Variants in RAB2B observed in about 807,000 individuals in gnomAD.
The protein encoded by RAB2B is ras-related protein Rab-2B.
Under a neutral mutation model 29.8 loss-of-function variants are expected in RAB2B, and 20 were observed. The ratio of observed to expected loss-of-function variants is 0.67; its 90% CI spans 0.47 to 0.97. The LOEUF (loss-of-function observed/expected upper bound fraction) is 0.97, where lower values mean the gene tolerates loss of function less well. Among genes scored for constraint, RAB2B ranks in the 50% least tolerant of loss-of-function variants. RAB2B has a pLI of 0.00. For synonymous variants in RAB2B, 93 were observed against 91.7 expected, an observed-to-expected ratio of 1.01 and a Z score of -0.08; for missense variants, 218 against 272.0, an observed-to-expected ratio of 0.80 and a Z score of 1.40.
At position 21,460,129 on chromosome 14, in the gene RAB2B, G is replaced by T. The variant is rs1263615974; in HGVS notation, c.*1067C>A. The stretch of plus-strand genomic sequence containing the variant: ...TGCCTTCTACAAGAATTCTTAGGAA[G>T]TGGCAAGCAGACACCCAAAGGCAAG... On this transcript the variant is annotated 3_prime_UTR_variant, in exon 8 of 8. Coordinates refer to ENST00000397762, the MANE Select transcript of RAB2B (RefSeq NM_032846.4). 3 of 518,218 alleles carry T rather than the reference G, an allele frequency of 5.8e-6. No individual in the cohort carries two copies. In the African/African-American group the frequency reaches 5.8e-5, roughly 10 times the overall value. 32.1% of individuals were successfully genotyped at this position (518,218 alleles called of 1,614,324 possible). A position where few individuals can be genotyped will look rare whatever the true frequency, so the allele number is the denominator to read the frequency against.
Position 21,462,380 on chromosome 14 carries a change from G to A in RAB2B, c.513C>T (p.Ile171=), listed in dbSNP as rs549974683. ...INTAKEIYRK[I]QQGLFDVHNE... is the part of the protein sequence containing the mutation. ...TGTGGACATCAAATAAACCCTGCTGGATCTTCCTATATATTTCTTTGGCTG... is the reference window on the plus strand; with the variant it reads ...TGTGGACATCAAATAAACCCTGCTGAATCTTCCTATATATTTCTTTGGCTG... Residue 171 remains isoleucine (I), a synonymous_variant, in exon 7 of 8, where the codon ATC becomes ATT. Coordinates refer to ENST00000397762, the MANE Select transcript of RAB2B (RefSeq NM_032846.4). 1.5e-4 allele frequency: 234 copies of A among 1,613,414 alleles called. 1 individual carries two copies. The South Asian group carries it at 2.3e-3, about 16-fold the overall frequency.
intron 5 of RAB2B, 148 bp from the exon 6 acceptor site, chr14:21,463,915 C>T: frequency 3.4e-6 from 2 of 593,350 alleles, no homozygotes; most frequent in South Asian, 4.3e-5. Flanking sequence ...TACAGAGTTA[C>T]TGATTTTTGT....
rs1890992321 is a variant in RAB2B at position 21,476,913 on chromosome 14, T to TA, written c.-42dup. 6.2e-7 allele frequency: 1 copy of TA among 1,608,500 alleles called. No homozygotes were observed. The highest frequency in any genetic ancestry group is 1.3e-5 in the African/African-American group (1 of 74,782). ...GGGTTCCGGGTCCGCCCGACTTCTA[T>TA]AGCCACTTACCTCCGACCTCTCTAG... On this transcript the variant is annotated 5_prime_UTR_variant, in exon 1 of 8. Coordinates refer to ENST00000397762, the MANE Select transcript of RAB2B (RefSeq NM_032846.4).
chr14:21,471,516 G>A (rs564031772), intron 3 of RAB2B, among the ~76,000 whole-genome samples: 4 of 151,822 alleles, frequency 2.6e-5, no homozygotes, highest in African/African-American at 9.7e-5. Context: ...TACTTGAGGG[G>A]CTGAGGTGGG....
At chr14:21,464,489 T>C (rs1039362808) in intron 5 of RAB2B, among the ~76,000 whole-genome samples, 7 of 152,126 alleles carry the variant, frequency 4.6e-5, no homozygotes, top group African/African-American at 1.7e-4. Context: ...CATCTTCCTT[T>C]TTTACTGGAA....
intron 6 of RAB2B, among the ~76,000 whole-genome samples, chr14:21,463,256 T>TC (rs879381767): frequency 4.1e-4 from 62 of 151,180 alleles, no homozygotes; most frequent in Non-Finnish European, 7.4e-4. Context: ...TTCTTTTTTT[T>TC]TTTTTTTGGA....
Position 21,461,318 on chromosome 14 carries a change from A to G in RAB2B, c.544-15T>C. The G allele has an allele frequency of 6.3e-7, 1 of 1,586,872 alleles. No individual in the cohort carries two copies. Among genetic ancestry groups the G allele is most frequent in the South Asian group, 1.1e-5 (1 of 90,114 alleles). ...ATGCCATTTGCCTGTAAAAGAAAAG[A>G]GGCAATAGTTCCCACCTCAGTGTTA... On this transcript the variant is annotated splice_polypyrimidine_tract_variant and intron_variant, in intron 7 of 7. Coordinates refer to ENST00000397762, the MANE Select transcript of RAB2B (RefSeq NM_032846.4).
At chr14:21,474,656 G>C (rs1306976171) in intron 3 of RAB2B, 3 of 497,436 alleles carry the variant, frequency 6.0e-6, no homozygotes, top group African/African-American at 1.9e-5. Flanking sequence ...ATTTTTACTA[G>C]AATAAACTAT....
intron 5 of RAB2B, among the ~76,000 whole-genome samples, chr14:21,466,847 T>C (rs1284466481): frequency 2.0e-5 from 3 of 150,134 alleles, no homozygotes; most frequent in East Asian, 1.9e-4. Flanking sequence ...TGAGAAGCTA[T>C]GCAGTGCCCA....
intron 6 of RAB2B, among the ~76,000 whole-genome samples, chr14:21,463,153 A>G (rs903890532): frequency 5.3e-5 from 8 of 152,176 alleles, no homozygotes; most frequent in East Asian, 1.9e-4. Context: ...TACCCAAAGC[A>G]AAAGTAAAAC....
chr14:21,463,599 A>G (rs1203821325), intron 6 of RAB2B, 57 bp downstream of exon 6: 1 of 1,195,548 alleles, frequency 8.4e-7, no homozygotes, highest in Non-Finnish European at 1.2e-6. Flanking sequence ...TCTGAATACA[A>G]GGACAAATAA....
intron 3 of RAB2B, among the ~76,000 whole-genome samples, chr14:21,472,726 C>CT (rs1406800650): frequency 1.3e-5 from 2 of 150,786 alleles, no homozygotes; most frequent in Non-Finnish European, 2.9e-5. Flanking sequence ...TCTCAACTTT[C>CT]CTTTTTTGTT....
intron 3 of RAB2B, among the ~76,000 whole-genome samples, chr14:21,472,764 G>A (rs1284784852): frequency 6.7e-6 from 1 of 149,430 alleles, no homozygotes; most frequent in Non-Finnish European, 1.5e-5. Context: ...ATTCTCAGCA[G>A]AATCAAGCTC....
chr14:21,470,081 T>C (rs1182501855), intron 3 of RAB2B, among the ~76,000 whole-genome samples: 3 of 151,644 alleles, frequency 2.0e-5, no homozygotes, highest in African/African-American at 7.3e-5. Flanking sequence ...GCCTCCCAAT[T>C]AGCTGGGATT....
chr14:21,472,811 T>C (rs1012157490), intron 3 of RAB2B, among the ~76,000 whole-genome samples: 62 of 149,224 alleles, frequency 4.2e-4, no homozygotes, highest in Middle Eastern at 3.5e-3. Flanking sequence ...CCATGTCCCA[T>C]ATGAGTGCTT....
At chr14:21,468,514 C>A in intron 4 of RAB2B, 65 bp from the exon 5 acceptor site, 2 of 1,469,016 alleles carry the variant, frequency 1.4e-6, no homozygotes, top group East Asian at 4.5e-5. Flanking sequence ...CAACTCCAAG[C>A]GTATACGAAA....
Position 21,474,551 on chromosome 14 carries a change from G to A in RAB2B, c.186+316C>T, listed in dbSNP as rs1890901338. ...TGGAATCATCAGTAATGATTTCCCT[G>A]CTAGAGTACCAACCAAGATGGGAAG... On this transcript the variant is annotated intron_variant, in intron 3 of 7. Coordinates refer to ENST00000397762, the MANE Select transcript of RAB2B (RefSeq NM_032846.4). The A allele has an allele frequency of 1.4e-5, 4 of 286,754 alleles. No homozygotes were observed. In the South Asian group the frequency reaches 2.0e-4, roughly 14 times the overall value. 17.8% of individuals were successfully genotyped at this position (286,754 alleles called of 1,614,324 possible).
chr14:21,466,708 T>C (rs1200946627), intron 5 of RAB2B, among the ~76,000 whole-genome samples: 3 of 152,158 alleles, frequency 2.0e-5, no homozygotes, highest in Admixed American at 6.5e-5. Flanking sequence ...ATGATAAAAT[T>C]CGTTCAATAT....
chr14:21,476,427 G>T, intron 2 of RAB2B, 101 bp downstream of exon 2: 1 of 1,360,822 alleles, frequency 7.3e-7, no homozygotes, highest in Admixed American at 1.8e-5. Context: ...GTAGTGAGGG[G>T]TAACTTTTTA....
Sources: allele counts gnomAD v4.1 joint callset (sites outside exome capture counted in the v4.1 genomes callset), GRCh38; gene constraint gnomAD v4.1.1; transcripts MANE v1.5; gene names NCBI Gene and HGNC (gene_info 2026-07-23, HGNC 2026-07-21).